Variants in SYN3 observed in about 807,000 individuals in gnomAD.
The protein encoded by SYN3 is synapsin-3.
SYN3 carries 35 observed loss-of-function variants against 65.8 expected under a neutral mutation model. That is an observed-to-expected ratio of 0.53 (90% CI 0.41 to 0.70). The LOEUF is 0.70. Ranked by LOEUF, SYN3 falls within the 30% of genes least tolerant of loss-of-function variation. The probability of loss-of-function intolerance (pLI) is 0.00; values close to 1 mark genes in which losing one functional copy is unlikely to be tolerated. For synonymous variants in SYN3, 270 were observed against 292.9 expected (o/e 0.92, Z 0.80); for missense variants, 680 against 749.0 (o/e 0.91, Z 1.08).
At chr22:32,965,826 C>CT (rs1362923496) in intron 3 of SYN3, among the ~76,000 whole-genome samples, 1 of 152,070 alleles carries the variant, frequency 6.6e-6, no homozygotes, top group African/African-American at 2.4e-5. Context: ...TCCCGAGTAG[C>CT]TGGGACTACA....
chr22:32,893,189 C>T (rs5994640), intron 4 of SYN3, among the ~76,000 whole-genome samples: 8 of 152,158 alleles, frequency 5.3e-5, no homozygotes, highest in African/African-American at 1.4e-4. Flanking sequence ...CCTCCATTTG[C>T]GTATGAGAAT....
intron 2 of SYN3, among the ~76,000 whole-genome samples, chr22:32,992,401 G>A (rs1158608700): frequency 2.0e-5 from 3 of 152,210 alleles, no homozygotes; most frequent in Admixed American, 6.5e-5. Context: ...TGTATACTGA[G>A]CTTAAATATG....
At chr22:32,896,816 T>G (rs1243024461) in intron 4 of SYN3, among the ~76,000 whole-genome samples, 1 of 152,246 alleles carries the variant, frequency 6.6e-6, no homozygotes, top group Non-Finnish European at 1.5e-5. Flanking sequence ...TGAAAGGCCA[T>G]GGGCTTATGG....
chr22:32,636,207 C>T (rs1361192780), intron 6 of SYN3, among the ~76,000 whole-genome samples: 1 of 151,686 alleles, frequency 6.6e-6, no homozygotes, highest in Non-Finnish European at 1.5e-5. Context: ...TGAGACCATC[C>T]TGGCTAACAC....
At chr22:33,022,776 A>G (rs921697531) in intron 1 of SYN3, among the ~76,000 whole-genome samples, 2 of 152,148 alleles carry the variant, frequency 1.3e-5, no homozygotes, top group Non-Finnish European at 2.9e-5. Context: ...ACTCCCACAA[A>G]CTGAAATATA....
At position 32,510,479 on chromosome 22, in the gene SYN3, G is replaced by A. The variant is rs1007790074; in HGVS notation, c.*3213C>T. 1.3e-5 allele frequency among the ~76,000 whole-genome samples: 2 copies of A among 152,138 alleles called. No individual in the cohort carries two copies. Among genetic ancestry groups the A allele is most frequent in the African/African-American group, 2.4e-5 (1 of 41,418 alleles). ...CTGGGTGAGATTGTTGAAGAGGGAC[G>A]ATTGCCACAGGGGTTTCCTGTGTTC... is the stretch of plus-strand genomic sequence containing the variant. On this transcript the variant is annotated 3_prime_UTR_variant, in exon 14 of 14. Coordinates refer to ENST00000358763, the MANE Select transcript of SYN3 (RefSeq NM_003490.4).
chr22:32,954,167 C>G (rs1019828386), intron 3 of SYN3, among the ~76,000 whole-genome samples: 1 of 152,038 alleles, frequency 6.6e-6, no homozygotes, highest in African/African-American at 2.4e-5. Context: ...ACCTGAGAAT[C>G]AAAGTAAAAC....
intron 12 of SYN3, among the ~76,000 whole-genome samples, chr22:32,524,651 A>G (rs1355128299): frequency 6.6e-6 from 1 of 152,240 alleles, no homozygotes; most frequent in Admixed American, 6.5e-5. Flanking sequence ...ATGCCTTTTA[A>G]TACATATCAC....
At chr22:32,678,977 T>C (rs1268039758) in intron 6 of SYN3, among the ~76,000 whole-genome samples, 1 of 152,092 alleles carries the variant, frequency 6.6e-6, no homozygotes, top group Non-Finnish European at 1.5e-5. Context: ...ATCAGGATTT[T>C]TTCTTTTTTT....
intron 6 of SYN3, among the ~76,000 whole-genome samples, chr22:32,687,231 C>T (rs1230622003): frequency 1.3e-5 from 2 of 152,004 alleles, no homozygotes; most frequent in East Asian, 1.9e-4. Context: ...GGTGCAATCT[C>T]GGCTCACTGC....
At chr22:32,682,069 G>GTGACAAAGTC (rs2060530454) in intron 6 of SYN3, among the ~76,000 whole-genome samples, 12 of 151,996 alleles carry the variant, frequency 7.9e-5, no homozygotes, top group South Asian at 2.1e-4. Flanking sequence ...GGGAGATGAG[G>GTGACAAAGTC]GGCAGCAGGG....
intron 7 of SYN3, chr22:32,583,999 C>G (rs966787743): frequency 6.6e-6 from 1 of 152,206 alleles, no homozygotes; most frequent in Non-Finnish European, 1.5e-5. Flanking sequence ...ACAGAGGAAT[C>G]GAATCAGCAC....
intron 10 of SYN3, among the ~76,000 whole-genome samples, chr22:32,532,670 A>C (rs575706699): frequency 3.7e-4 from 53 of 143,734 alleles, no homozygotes; most frequent in Non-Finnish European, 7.1e-4. Flanking sequence ...GCTCCCACCC[A>C]CTGAGTCACC....
intron 6 of SYN3, among the ~76,000 whole-genome samples, chr22:32,724,868 C>A (rs1161269231): frequency 6.6e-6 from 1 of 152,146 alleles, no homozygotes; most frequent in Non-Finnish European, 1.5e-5. Context: ...CGCCTGTAAT[C>A]CCAGCACTTT....
chr22:32,591,712 G>C (rs73881749), intron 7 of SYN3, among the ~76,000 whole-genome samples: 10,117 of 152,268 alleles, frequency 0.066, 361 homozygotes, highest in Middle Eastern at 0.078. Flanking sequence ...TGATACTCCA[G>C]TAGTCCCTTC....
chr22:32,702,824 T>G (rs2060827979), intron 6 of SYN3, among the ~76,000 whole-genome samples: 1 of 152,218 alleles, frequency 6.6e-6, no homozygotes. Context: ...ATATTCTTAT[T>G]ATCAAAATCG....
At chr22:32,826,186 T>C (rs2047407311) in intron 6 of SYN3, among the ~76,000 whole-genome samples, 1 of 152,226 alleles carries the variant, frequency 6.6e-6, no homozygotes, top group Admixed American at 6.5e-5. Context: ...TCCAGCACTT[T>C]GGGAAGCCGA....
intron 6 of SYN3, among the ~76,000 whole-genome samples, chr22:32,824,990 G>A (rs1264864455): frequency 2.0e-5 from 3 of 152,150 alleles, no homozygotes; most frequent in South Asian, 2.1e-4. Flanking sequence ...TCCTGGCCCC[G>A]CCTGTCTTGG....
chr22:32,579,368 A>G (rs2058901352), intron 7 of SYN3, among the ~76,000 whole-genome samples: 1 of 152,190 alleles, frequency 6.6e-6, no homozygotes, highest in Admixed American at 6.5e-5. Context: ...TCTAGGTGTC[A>G]GCAGATCAGT....
Sources: gnomAD v4.1 joint callset for allele counts (sites outside exome capture counted in the v4.1 genomes callset) on GRCh38, gnomAD v4.1.1 for gene constraint, MANE v1.5 for transcripts, NCBI Gene and HGNC (gene_info 2026-07-23, HGNC 2026-07-21) for gene names.